The following PGBD5 variants were observed in gnomAD, a reference collection of about 807,000 sequenced individuals.
The protein encoded by PGBD5 is piggyBac transposable element-derived protein 5.
In PGBD5, 14 loss-of-function variants were observed where a neutral mutation model predicts 47.9. The ratio of observed to expected loss-of-function variants is 0.29; its 90% CI spans 0.19 to 0.46. The LOEUF (loss-of-function observed/expected upper bound fraction) is 0.46. PGBD5 is among the 20% of genes least tolerant of loss of function. PGBD5 has a pLI of 1.00. For missense variants in PGBD5, 635 were observed against 716.0 expected (o/e 0.89, Z 1.29); for synonymous variants, 316 against 306.3 (o/e 1.03, Z -0.33).
chr1:230,399,569 C>T (rs1657083761), intron 1 of PGBD5, among the ~76,000 whole-genome samples: 1 of 152,202 alleles, frequency 6.6e-6, no homozygotes, highest in South Asian at 2.1e-4. Context: ...TGAATTCAGC[C>T]ATCATGGACC....
At chr1:230,350,205 C>T (rs1273253150) in intron 3 of PGBD5, among the ~76,000 whole-genome samples, 2 of 152,238 alleles carry the variant, frequency 1.3e-5, no homozygotes, top group East Asian at 3.9e-4. Flanking sequence ...TGTCGCTGCG[C>T]AGCACGCATG....
In PGBD5 at chr1:230,318,504, G is replaced by A. The variant is rs1369403132; in HGVS notation, c.*4921C>T. 6.6e-6 allele frequency: 1 copy of A among 152,418 alleles called. No individual in the cohort carries two copies. Among genetic ancestry groups the A allele is most frequent in the Non-Finnish European group, 1.5e-5 (1 of 68,218 alleles). 9.4% of individuals were successfully genotyped at this position (152,418 alleles called of 1,614,324 possible). ...AAGCTGCAGAGGCCACCGGTGGGGAGGGGGCACTGGGGACACTTTCCCTGG... is the reference window on the plus strand; with the variant it reads ...AAGCTGCAGAGGCCACCGGTGGGGAAGGGGCACTGGGGACACTTTCCCTGG... On this transcript the variant is annotated 3_prime_UTR_variant, in exon 7 of 7. Transcript: ENST00000391860.
chr1:230,396,565 C>CCG lies in PGBD5; in HGVS notation c.331+29032_331+29033insCG, dbSNP rs774390141. 7.7e-4 allele frequency among the ~76,000 whole-genome samples: 107 copies of CCG among 139,688 alleles called. 2 individuals are homozygous for CCG. The highest frequency in any genetic ancestry group is 3.0e-3 in the African/African-American group (105 of 35,404). The allele number at this position is 139,688 out of a possible 152,430, so 91.6% of individuals were successfully genotyped here. A position where few individuals can be genotyped will look rare whatever the true frequency, so the allele number is the denominator to read the frequency against. On this transcript the variant is annotated intron_variant, in intron 1 of 6. Coordinates refer to ENST00000391860, the MANE Select transcript of PGBD5 (RefSeq NM_001258311.2). ...AGCTAAGGTACATTTTGTTGCCCCC[C>CCG]CTCCCCCTGCATTCATCTGGAATGG...
chr1:230,337,323 C>T lies in PGBD5; in HGVS notation c.895-35G>A, dbSNP rs1205082871. On this transcript the variant is annotated intron_variant, in intron 3 of 6. Coordinates refer to ENST00000391860, the MANE Select transcript of PGBD5 (RefSeq NM_001258311.2). ...AAACACACAGAGGTTAGCGTGCTCA[C>T]AGCAGTGTCAGGCTGGGAGCCCGAG... 7 of 1,550,894 alleles carry T rather than the reference C, an allele frequency of 4.5e-6. No individual in the cohort carries two copies. The South Asian group carries it at 4.7e-5, about 10-fold the overall frequency.
intron 1 of PGBD5, among the ~76,000 whole-genome samples, chr1:230,397,293 G>C (rs917518800): frequency 7.9e-5 from 12 of 152,152 alleles, no homozygotes; most frequent in Non-Finnish European, 1.2e-4. Flanking sequence ...AACCTCAGTG[G>C]CTACATTTTC....
chr1:230,396,410 C>A, intron 1 of PGBD5, among the ~76,000 whole-genome samples: 1 of 139,644 alleles, frequency 7.2e-6, no homozygotes, highest in Non-Finnish European at 1.6e-5. Flanking sequence ...ACTCTCCACC[C>A]TCCTCCCCCA....
rs551763113 is a variant in PGBD5, at chr1:230,323,910, T to C, written c.1380-290A>G. 3.9e-5 allele frequency among the ~76,000 whole-genome samples: 6 copies of C among 151,982 alleles called. No homozygotes were observed. Among genetic ancestry groups the C allele is most frequent in the South Asian group, 4.2e-4 (2 of 4,808 alleles). Reference sequence around the variant, plus strand: ...GCTGGGGTGGCGCACAGCCCCGGAGTGGACAGGCGCCTGCCAGCCTCTCCA... The same window carrying C: ...GCTGGGGTGGCGCACAGCCCCGGAGCGGACAGGCGCCTGCCAGCCTCTCCA... On this transcript the variant is annotated intron_variant, in intron 6 of 6. Transcript: ENST00000391860. The surrounding 1 kb of genome is among the most constrained non-coding windows in gnomAD (Gnocchi z 4.1).
At position 230,379,271 on chromosome 1, in the gene PGBD5, C is replaced by T. The variant is rs145111948; in HGVS notation, c.332-21950G>A. ...TAATTCATGCCACAACCCTGGCGAC[C>T]TCCTTTCAACCCCTGCTCCTCACCT... On this transcript the variant is annotated intron_variant, in intron 1 of 6. Coordinates refer to ENST00000391860, the MANE Select transcript of PGBD5 (RefSeq NM_001258311.2). 3.3e-5 allele frequency among the ~76,000 whole-genome samples: 5 copies of T among 152,258 alleles called. No homozygotes were observed. The East Asian group carries it at 9.7e-4, about 29-fold the overall frequency.
At chr1:230,398,921 C>T (rs1295723180) in intron 1 of PGBD5, among the ~76,000 whole-genome samples, 1 of 152,116 alleles carries the variant, frequency 6.6e-6, no homozygotes, top group Non-Finnish European at 1.5e-5. Flanking sequence ...GGGCTGGATG[C>T]AGAGTGCTCC....
At chr1:230,412,710 T>A (rs1379940750) in intron 1 of PGBD5, among the ~76,000 whole-genome samples, 1 of 152,108 alleles carries the variant, frequency 6.6e-6, no homozygotes, top group Non-Finnish European at 1.5e-5. Context: ...TTTATCCTCA[T>A]CATCTTCACT....
rs773646009 is a variant in PGBD5, at chr1:230,333,091, C to T, written c.1076-50G>A. The T allele has an allele frequency of 3.9e-6, 6 of 1,538,742 alleles. No individual in the cohort carries two copies. The African/African-American group carries it at 5.5e-5, about 14-fold the overall frequency. ...GCACACTCACCACCATCGGAGATGC[C>T]GGCGGCTCCTCCGCCCTGGGCACCC... On this transcript the variant is annotated intron_variant, in intron 4 of 6. Transcript: ENST00000391860.
intron 1 of PGBD5, among the ~76,000 whole-genome samples, chr1:230,393,690 T>C (rs1405350922): frequency 2.0e-5 from 3 of 152,086 alleles, no homozygotes; most frequent in Non-Finnish European, 2.9e-5. Context: ...CCGGGCGCAG[T>C]GGCGGGCGCC....
intron 1 of PGBD5, among the ~76,000 whole-genome samples, chr1:230,363,777 A>G (rs891056721): frequency 4.6e-5 from 7 of 152,218 alleles, no homozygotes; most frequent in African/African-American, 1.2e-4. Flanking sequence ...GGAATCATTT[A>G]TCTCCAGGCT....
chr1:230,357,788 A>G lies in PGBD5; in HGVS notation c.332-467T>C, dbSNP rs1667678636. Among the ~76,000 whole-genome samples the G allele has an allele frequency of 6.6e-6, 1 of 152,254 alleles. No individual in the cohort carries two copies. On this transcript the variant is annotated intron_variant, in intron 1 of 6. Transcript: ENST00000391860. This position sits in a 1 kb window ranked among gnomAD's most constrained non-coding sequence, Gnocchi z 5.7. ...GAGATGTACACACACACATAAATGT[A>G]TATGTTTAAATATATATATCATATA...
chr1:230,382,101 T>A (rs1205142392), intron 1 of PGBD5, among the ~76,000 whole-genome samples: 1 of 151,820 alleles, frequency 6.6e-6, no homozygotes, highest in Admixed American at 6.6e-5. Flanking sequence ...TGCCCAATTC[T>A]TCCCTGTCAG....
Position 230,425,998 on chromosome 1 carries a change from GCGCC to G in PGBD5, c.-74_-71del. On this transcript the variant is annotated 5_prime_UTR_variant, in exon 1 of 7. Transcript: ENST00000391860. The surrounding 1 kb of genome is among the most constrained non-coding windows in gnomAD (Gnocchi z 4.7). ...GCCGCACACGCCGGGCCCTGGGCCC[GCGCC>G]GCGGCCCGCCGCCCCCCACCAGCGC... 1.3e-6 allele frequency: 1 copy of G among 769,324 alleles called. No individual in the cohort carries two copies. The highest frequency in any genetic ancestry group is 1.6e-6 in the Non-Finnish European group (1 of 638,098). The allele number at this position is 769,324 out of a possible 1,614,324, so 47.7% of individuals were successfully genotyped here.
chr1:230,403,245 A>G (rs1657187481), intron 1 of PGBD5, among the ~76,000 whole-genome samples: 1 of 152,246 alleles, frequency 6.6e-6, no homozygotes, highest in Non-Finnish European at 1.5e-5. Context: ...CGTCTGTTTC[A>G]TGGGGATAAC....
At chr1:230,378,824 C>T (rs1273461371) in intron 1 of PGBD5, among the ~76,000 whole-genome samples, 1 of 152,156 alleles carries the variant, frequency 6.6e-6, no homozygotes, top group Non-Finnish European at 1.5e-5. Flanking sequence ...CTTCAGTCTT[C>T]TCAATAACCC....
At position 230,421,469 on chromosome 1, in the gene PGBD5, G is replaced by A. The variant is rs533342013; in HGVS notation, c.331+4129C>T. Among the ~76,000 whole-genome samples, 11 of 152,242 alleles carry A rather than the reference G, an allele frequency of 7.2e-5. No homozygotes were observed. The South Asian group carries it at 8.3e-4, about 11-fold the overall frequency. On this transcript the variant is annotated intron_variant, in intron 1 of 6. Transcript: ENST00000391860. ...TTAATCTGGTAATCTCATCACCCCCGGGAAAGTGAAGGCAGCAACTTCCTT... is the reference window on the plus strand; with the variant it reads ...TTAATCTGGTAATCTCATCACCCCCAGGAAAGTGAAGGCAGCAACTTCCTT...
Sources: gnomAD v4.1 joint callset for allele counts (sites outside exome capture counted in the v4.1 genomes callset) on GRCh38, gnomAD v4.1.1 for gene constraint, Gnocchi (gnomAD v3.1) non-coding constraint, MANE v1.5 for transcripts, NCBI Gene and HGNC (gene_info 2026-07-23, HGNC 2026-07-21) for gene names.